Variants in TTC7B observed in about 807,000 individuals in gnomAD.
TTC7B encodes tetratricopeptide repeat domain 7B.
TTC7B carries 28 observed loss-of-function variants against 106.8 expected under a neutral mutation model. The observed-to-expected ratio is 0.26, with a 90% confidence interval of 0.19 to 0.36. TTC7B has a LOEUF of 0.36. Among genes scored for constraint, TTC7B ranks in the 10% least tolerant of loss-of-function variants. TTC7B has a pLI of 1.00. For synonymous variants in TTC7B, 405 were observed against 430.6 expected, an observed-to-expected ratio of 0.94 and a Z score of 0.74; for missense variants, 862 against 1,076.4, an observed-to-expected ratio of 0.80 and a Z score of 2.79.
intron 2 of TTC7B, among the ~76,000 whole-genome samples, chr14:90,785,532 C>T (rs188150727): frequency 3.6e-4 from 54 of 151,890 alleles, no homozygotes; most frequent in Admixed American, 1.0e-3. Context: ...GGAGATGACC[C>T]CCATGAAAAG....
chr14:90,814,565 G>C (rs2031072392), intron 1 of TTC7B, among the ~76,000 whole-genome samples: 2 of 152,080 alleles, frequency 1.3e-5, no homozygotes, highest in African/African-American at 4.8e-5. Flanking sequence ...GAAACAAGTG[G>C]ATTCAGAAGA....
chr14:90,673,099 T>C (rs995688987), intron 9 of TTC7B, among the ~76,000 whole-genome samples: 3 of 152,056 alleles, frequency 2.0e-5, no homozygotes, highest in Non-Finnish European at 4.4e-5. Context: ...TGACCTGAGT[T>C]TGGGGTTGAG....
intron 19 of TTC7B, among the ~76,000 whole-genome samples, chr14:90,548,997 G>C (rs369401443): frequency 6.6e-6 from 1 of 152,036 alleles, no homozygotes; most frequent in East Asian, 1.9e-4. Context: ...GCGTGGTGGC[G>C]GGCGCCTGTA....
chr14:90,559,071 A>G (rs1412462304), intron 19 of TTC7B, among the ~76,000 whole-genome samples: 1 of 152,254 alleles, frequency 6.6e-6, no homozygotes, highest in Non-Finnish European at 1.5e-5. Flanking sequence ...AGTATCAAGA[A>G]TAGAGCCATT....
intron 18 of TTC7B, among the ~76,000 whole-genome samples, chr14:90,590,057 G>A (rs1448539394): frequency 2.0e-5 from 3 of 152,194 alleles, no homozygotes; most frequent in Non-Finnish European, 4.4e-5. Flanking sequence ...AAGATGCACA[G>A]AACCGGTGAC....
intron 1 of TTC7B, among the ~76,000 whole-genome samples, chr14:90,790,807 A>G (rs1184977483): frequency 6.6e-6 from 1 of 152,072 alleles, no homozygotes; most frequent in African/African-American, 2.4e-5. Context: ...GGAAAACTCT[A>G]TGGCCCAGAG....
intron 7 of TTC7B, among the ~76,000 whole-genome samples, chr14:90,681,091 T>G (rs756299876): frequency 2.0e-5 from 3 of 152,228 alleles, no homozygotes; most frequent in Admixed American, 6.5e-5. Context: ...TAATCTATTT[T>G]ATGGAATTTG....
chr14:90,572,044 A>G (rs747222680), intron 19 of TTC7B, among the ~76,000 whole-genome samples: 3 of 152,210 alleles, frequency 2.0e-5, no homozygotes, highest in Non-Finnish European at 4.4e-5. Context: ...TTTTTCCCAA[A>G]TCTCAATGAA....
At chr14:90,723,458 C>T (rs1298997470) in intron 5 of TTC7B, among the ~76,000 whole-genome samples, 1 of 152,214 alleles carries the variant, frequency 6.6e-6, no homozygotes, top group Non-Finnish European at 1.5e-5. Context: ...TCTGGGTAAG[C>T]CAGACTGAGA....
intron 16 of TTC7B, among the ~76,000 whole-genome samples, chr14:90,613,631 C>G (rs1181200432): frequency 6.6e-6 from 1 of 152,228 alleles, no homozygotes; most frequent in Non-Finnish European, 1.5e-5. Context: ...TCCTCTCTCC[C>G]TCTGGGACAC....
chr14:90,688,495 C>T (rs1887333892), intron 7 of TTC7B, among the ~76,000 whole-genome samples: 1 of 151,898 alleles, frequency 6.6e-6, no homozygotes, highest in Non-Finnish European at 1.5e-5. Context: ...TGGTGGCACG[C>T]ACCTGTAGTC....
intron 8 of TTC7B, 140 bp downstream of exon 8, chr14:90,680,332 C>A: frequency 1.6e-6 from 1 of 626,142 alleles, no homozygotes. Flanking sequence ...TAAACCTCTA[C>A]TGTTTTTTCC....
In TTC7B at chr14:90,644,034, C is replaced by T. The variant is rs374666147; in HGVS notation, c.1751+14G>A. The T allele has an allele frequency of 9.3e-6, 15 of 1,613,918 alleles. No individual in the cohort carries two copies. The South Asian group carries it at 1.2e-4, about 13-fold the overall frequency. ...CTTCTGAGTAAGGGAAAACCAAAGC[C>T]CAGGATCACTTACATGAAATTTTCT... is the stretch of plus-strand genomic sequence containing the variant. On this transcript the variant is annotated intron_variant, in intron 15 of 19. Coordinates refer to ENST00000328459, the MANE Select transcript of TTC7B (RefSeq NM_001010854.2).
intron 1 of TTC7B, among the ~76,000 whole-genome samples, chr14:90,793,549 T>G (rs1258520257): frequency 2.0e-5 from 3 of 151,720 alleles, no homozygotes; most frequent in Non-Finnish European, 4.4e-5. Flanking sequence ...AGAATCTCTT[T>G]CCTTTATAAA....
intron 19 of TTC7B, among the ~76,000 whole-genome samples, chr14:90,559,918 G>A (rs714489): frequency 0.43 from 65,257 of 152,000 alleles, 14,695 homozygotes; most frequent in Admixed American, 0.51. Flanking sequence ...CACAACGCGC[G>A]CTCCCCCACC....
At chr14:90,640,153 C>G (rs1021753732) in intron 15 of TTC7B, among the ~76,000 whole-genome samples, 9 of 152,048 alleles carry the variant, frequency 5.9e-5, no homozygotes, top group Admixed American at 5.9e-4. Context: ...GTGGCACACG[C>G]CTGTGCTCCC....
At chr14:90,559,742 T>C (rs1402548228) in intron 19 of TTC7B, among the ~76,000 whole-genome samples, 1 of 152,198 alleles carries the variant, frequency 6.6e-6, no homozygotes, top group Non-Finnish European at 1.5e-5. Context: ...GTACATCCTA[T>C]ATGCTGGGCA....
chr14:90,743,885 C>A (rs1367600417), intron 4 of TTC7B, among the ~76,000 whole-genome samples: 6 of 152,362 alleles, frequency 3.9e-5, no homozygotes, highest in Non-Finnish European at 5.9e-5. Context: ...CCCCATCCAG[C>A]CTCCAGCCTC....
intron 15 of TTC7B, among the ~76,000 whole-genome samples, chr14:90,622,159 C>T (rs147588185): frequency 1.8e-4 from 27 of 151,080 alleles, no homozygotes; most frequent in African/African-American, 6.6e-4. Context: ...ACTCTGTTGC[C>T]CAGGCTGGAG....
Sources: allele counts gnomAD v4.1 joint callset (sites outside exome capture counted in the v4.1 genomes callset), GRCh38; gene constraint gnomAD v4.1.1; transcripts MANE v1.5; gene names NCBI Gene and HGNC (gene_info 2026-07-23, HGNC 2026-07-21).